Variants in GNG2 observed in about 807,000 individuals in gnomAD.
GNG2 encodes the protein guanine nucleotide-binding protein G(I)/G(S)/G(O) subunit gamma-2.
In GNG2, 5 loss-of-function variants were observed where a neutral mutation model predicts 5.5. That is an observed-to-expected ratio of 0.91 (90% CI 0.48 to 1.92). The LOEUF (loss-of-function observed/expected upper bound fraction) is 1.92, where lower values mean the gene tolerates loss of function less well. GNG2 is among the 30% of genes most tolerant of loss of function. The pLI, the probability that GNG2 is intolerant of heterozygous loss-of-function variation, is 0.01. For synonymous variants in GNG2, 28 were observed against 32.0 expected, an observed-to-expected ratio of 0.88 and a Z score of 0.42; for missense variants, 55 against 88.4, an observed-to-expected ratio of 0.62 and a Z score of 1.52.
At chr14:51,870,954 T>C (rs148620371) in intron 1 of GNG2, among the ~76,000 whole-genome samples, 34 of 152,358 alleles carry the variant, frequency 2.2e-4, no homozygotes, top group African/African-American at 7.5e-4. Flanking sequence ...AAATAAATGA[T>C]GGAGTGCTTC....
intron 2 of GNG2, among the ~76,000 whole-genome samples, chr14:51,887,552 A>C: frequency 6.6e-6 from 1 of 152,332 alleles, no homozygotes; most frequent in Middle Eastern, 3.4e-3. Context: ...GTGGAATGCT[A>C]TCCTAAAGCA....
At chr14:51,880,967 GAAAAAAA>G (rs11463019) in intron 2 of GNG2, among the ~76,000 whole-genome samples, 30 of 101,992 alleles carry the variant, frequency 2.9e-4, no homozygotes, top group South Asian at 1.1e-3. Flanking sequence ...CAAAAAAAAA[GAAAAAAA>G]AAAAAAAAAA....
chr14:51,826,634 C>T (rs1881036931), intron 1 of GNG2, among the ~76,000 whole-genome samples: 1 of 152,032 alleles, frequency 6.6e-6, no homozygotes, highest in South Asian at 2.1e-4. Flanking sequence ...ACCTCATTCT[C>T]TGAGATGAAG....
At chr14:51,880,026 A>G (rs1385223350) in intron 2 of GNG2, among the ~76,000 whole-genome samples, 1 of 152,244 alleles carries the variant, frequency 6.6e-6, no homozygotes, top group Non-Finnish European at 1.5e-5. Context: ...ACTTTGATGA[A>G]GCCAATTCTC....
chr14:51,846,697 C>G (rs1012795673), intron 2 of GNG2, among the ~76,000 whole-genome samples: 2 of 152,118 alleles, frequency 1.3e-5, no homozygotes, highest in African/African-American at 4.8e-5. Flanking sequence ...TGGCATCTGC[C>G]TGCCCGTCAC....
chr14:51,930,633 A>G (rs1432302846), intron 2 of GNG2, among the ~76,000 whole-genome samples: 3 of 152,206 alleles, frequency 2.0e-5, no homozygotes, highest in Admixed American at 6.5e-5. Context: ...TCACTATTAA[A>G]TGTATCACTT....
At chr14:51,878,171 A>G (rs1181971676) in intron 2 of GNG2, 1 of 153,290 alleles carries the variant, frequency 6.5e-6, no homozygotes, top group Non-Finnish European at 1.5e-5. Flanking sequence ...GGAACTAGCT[A>G]TAGCATTTGA....
chr14:51,966,971 C>CCCCG lies in GNG2; in HGVS notation c.*285_*286insCCGC, dbSNP rs1399908184. 5.6e-6 allele frequency: 1 copy of CCCCG among 179,756 alleles called. No homozygotes were observed. The highest frequency in any genetic ancestry group is 1.1e-5 in the Non-Finnish European group (1 of 88,328). 11.1% of individuals were successfully genotyped at this position (179,756 alleles called of 1,614,324 possible). ...TTTCTGCTATCCCCCAGCCCCCCCC[C>CCCCG]CAAAATCCTCATGTTTCTGCTTCAT... On this transcript the variant is annotated 3_prime_UTR_variant, in exon 4 of 4. Transcript: ENST00000556766.
At chr14:51,957,484 T>C (rs1889340516) in intron 3 of GNG2, among the ~76,000 whole-genome samples, 2 of 152,240 alleles carry the variant, frequency 1.3e-5, no homozygotes, top group African/African-American at 4.8e-5. Context: ...GCATGTGTGG[T>C]GCAAACAATT....
rs1384580194 is a variant in GNG2 at position 51,881,720 on chromosome 14, T to TA, written c.-30+4063_-30+4064insA. 2.0e-5 allele frequency among the ~76,000 whole-genome samples: 3 copies of TA among 150,168 alleles called. No individual in the cohort carries two copies. In the Admixed American group the frequency reaches 2.0e-4, roughly 10 times the overall value. On this transcript the variant is annotated intron_variant, in intron 2 of 3. Coordinates refer to ENST00000556766, the MANE Select transcript of GNG2 (RefSeq NM_053064.5). Reference sequence around the variant, plus strand: ...GGAAGACTTTTTTTTTTTTTTTTTTTTTTTAACGTATTTAATAGTTTCCTG... The same window carrying TA: ...GGAAGACTTTTTTTTTTTTTTTTTTTATTTTAACGTATTTAATAGTTTCCTG...
At chr14:51,960,701 TACTTTTCA>T (rs1462537092) in intron 3 of GNG2, among the ~76,000 whole-genome samples, 3 of 148,496 alleles carry the variant, frequency 2.0e-5, no homozygotes, top group Non-Finnish European at 4.4e-5. Flanking sequence ...ATTCAAGACT[TACTTTTCA>T]ACTTTTCAAC....
At chr14:51,899,175 G>C (rs1241458576) in intron 2 of GNG2, among the ~76,000 whole-genome samples, 1 of 152,092 alleles carries the variant, frequency 6.6e-6, no homozygotes, top group Non-Finnish European at 1.5e-5. Context: ...TTGCTCTAAG[G>C]CTTGTTTGGA....
chr14:51,924,731 G>A (rs558062882), intron 2 of GNG2, among the ~76,000 whole-genome samples: 31 of 152,338 alleles, frequency 2.0e-4, no homozygotes, highest in Non-Finnish European at 2.6e-4. Context: ...TTCTGAGCAT[G>A]GTATTTTCCA....
chr14:51,893,225 C>T (rs1346013101), intron 2 of GNG2, among the ~76,000 whole-genome samples: 2 of 152,054 alleles, frequency 1.3e-5, no homozygotes, highest in Non-Finnish European at 2.9e-5. Context: ...ATTTGGATGC[C>T]CATTAGTAAA....
chr14:51,962,118 T>A (rs1253654), intron 3 of GNG2, among the ~76,000 whole-genome samples: 140,884 of 152,264 alleles, frequency 0.93, 65,679 homozygotes, highest in Non-Finnish European at 0.98. Context: ...ATGGTCTCCT[T>A]CTTAGAATCA....
intron 2 of GNG2, among the ~76,000 whole-genome samples, chr14:51,829,410 A>C (rs1048165633): frequency 2.6e-5 from 4 of 152,074 alleles, no homozygotes; most frequent in African/African-American, 7.2e-5. Context: ...CTCCTTACCT[A>C]GCTCAGATTC....
At chr14:51,871,287 A>T (rs1253660454) in intron 1 of GNG2, among the ~76,000 whole-genome samples, 1 of 151,500 alleles carries the variant, frequency 6.6e-6, no homozygotes, top group East Asian at 1.9e-4. Flanking sequence ...ATGTCTTTTA[A>T]AATTAAAATA....
intron 2 of GNG2, among the ~76,000 whole-genome samples, chr14:51,910,319 G>T (rs548528835): frequency 4.3e-4 from 66 of 152,310 alleles, no homozygotes; most frequent in South Asian, 2.7e-3. Flanking sequence ...AGGAAAGAGG[G>T]GGGCTAGCTA....
At chr14:51,908,124 C>T (rs557239348) in intron 2 of GNG2, among the ~76,000 whole-genome samples, 124 of 152,328 alleles carry the variant, frequency 8.1e-4, no homozygotes, top group Middle Eastern at 3.4e-3. Context: ...CAGCTGTCAT[C>T]TGAGGCTTAA....
Sources: allele counts gnomAD v4.1 joint callset (sites outside exome capture counted in the v4.1 genomes callset), GRCh38; gene constraint gnomAD v4.1.1; transcripts MANE v1.5; gene names NCBI Gene and HGNC (gene_info 2026-07-23, HGNC 2026-07-21).